The following CBLB variants were observed in gnomAD, a reference collection of about 807,000 sequenced individuals.
The protein encoded by CBLB is Cbl proto-oncogene B, also known as E3 ubiquitin-protein ligase CBL-B.
In CBLB, 31 loss-of-function variants were observed where a neutral mutation model predicts 104.9. That is an observed-to-expected ratio of 0.30 (90% CI 0.22 to 0.40). The LOEUF is 0.40. Among genes scored for constraint, CBLB ranks in the 10% least tolerant of loss-of-function variants. The pLI, the probability that CBLB is intolerant of heterozygous loss-of-function variation, is 1.00. For missense variants in CBLB, 1,062 were observed against 1,214.6 expected, an observed-to-expected ratio of 0.87 and a Z score of 1.87; for synonymous variants, 440 against 422.6, an observed-to-expected ratio of 1.04 and a Z score of -0.51.
intron 3 of CBLB, among the ~76,000 whole-genome samples, chr3:105,780,090 T>TAAC (rs2079998482): frequency 1.3e-5 from 2 of 152,018 alleles, no homozygotes; most frequent in East Asian, 3.9e-4. Flanking sequence ...TGACCTCAGG[T>TAAC]GATCTAACCA....
In CBLB at chr3:105,827,532, G is replaced by C. The variant is rs528159961; in HGVS notation, c.419+25882C>G. ...TGTTCAGAAGTAACGCCAGGAACCT[G>C]GTCTCTGTTAAGGTCCTTAAACTCC... On this transcript the variant is annotated intron_variant, in intron 3 of 18. Coordinates refer to ENST00000394030, the MANE Select transcript of CBLB (RefSeq NM_170662.5). Among the ~76,000 whole-genome samples the C allele has an allele frequency of 2.6e-5, 4 of 152,186 alleles. No individual in the cohort carries two copies. In the East Asian group the frequency reaches 5.8e-4, roughly 22 times the overall value.
intron 1 of CBLB, among the ~76,000 whole-genome samples, chr3:105,867,873 A>G (rs78776763): frequency 7.6e-6 from 1 of 131,956 alleles, no homozygotes; most frequent in African/African-American, 2.8e-5. Context: ...CTAATACTCA[A>G]CTCATAAAAA....
intron 3 of CBLB, among the ~76,000 whole-genome samples, chr3:105,799,470 A>G (rs1047149220): frequency 7.2e-5 from 11 of 152,144 alleles, no homozygotes; most frequent in African/African-American, 2.2e-4. Flanking sequence ...CTTTCATATA[A>G]AGTTATTCTA....
chr3:105,671,825 A>G (rs936138602), intron 17 of CBLB: 1 of 194,270 alleles, frequency 5.1e-6, no homozygotes, highest in African/African-American at 2.3e-5. Context: ...AGATTAAAAT[A>G]ACTCTTAGAT....
chr3:105,696,040 TTA>T (rs1278401057), intron 12 of CBLB, among the ~76,000 whole-genome samples: 1 of 151,450 alleles, frequency 6.6e-6, no homozygotes, highest in African/African-American at 2.4e-5. Flanking sequence ...TATATATATG[TTA>T]TATATATACA....
intron 3 of CBLB, among the ~76,000 whole-genome samples, chr3:105,824,470 A>G (rs1465843294): frequency 1.3e-5 from 2 of 152,106 alleles, no homozygotes; most frequent in African/African-American, 4.8e-5. Context: ...CAAGTACCAC[A>G]TATTTCTGTC....
intron 8 of CBLB, among the ~76,000 whole-genome samples, chr3:105,736,169 C>T (rs556436651): frequency 6.6e-6 from 1 of 152,194 alleles, no homozygotes; most frequent in Non-Finnish European, 1.5e-5. Flanking sequence ...GAACATATCT[C>T]AAATATAAAA....
At chr3:105,750,130 T>C (rs1174479014) in intron 5 of CBLB, among the ~76,000 whole-genome samples, 1 of 152,014 alleles carries the variant, frequency 6.6e-6, no homozygotes, top group Non-Finnish European at 1.5e-5. Flanking sequence ...ACCATTCTCC[T>C]GCCTCAGCCT....
At chr3:105,837,863 C>T (rs902706621) in intron 3 of CBLB, among the ~76,000 whole-genome samples, 3 of 152,132 alleles carry the variant, frequency 2.0e-5, no homozygotes, top group African/African-American at 7.2e-5. Context: ...AGCCTTCAGA[C>T]ACTTCAACAC....
chr3:105,802,843 A>G (rs2083052805), intron 3 of CBLB, among the ~76,000 whole-genome samples: 2 of 152,240 alleles, frequency 1.3e-5, no homozygotes, highest in South Asian at 4.1e-4. Flanking sequence ...GAAGTTAGCA[A>G]AGGGATTAAC....
At chr3:105,703,168 T>A (rs1486112511) in intron 11 of CBLB, among the ~76,000 whole-genome samples, 5 of 152,210 alleles carry the variant, frequency 3.3e-5, no homozygotes, top group Non-Finnish European at 5.9e-5. Context: ...ACATGGTTAA[T>A]CTGATGATTG....
At chr3:105,743,816 C>T (rs2075853280) in intron 6 of CBLB, among the ~76,000 whole-genome samples, 1 of 149,824 alleles carries the variant, frequency 6.7e-6, no homozygotes. Context: ...AGGGTGTTTT[C>T]CTAAACACAT....
At chr3:105,701,499 A>G (rs1187712213) in intron 12 of CBLB, among the ~76,000 whole-genome samples, 1 of 152,254 alleles carries the variant, frequency 6.6e-6, no homozygotes, top group Non-Finnish European at 1.5e-5. Context: ...ACAGTGGCTC[A>G]TGCCTGTAAT....
chr3:105,695,608 T>C (rs1051096288), intron 12 of CBLB, among the ~76,000 whole-genome samples: 2 of 151,870 alleles, frequency 1.3e-5, no homozygotes, highest in African/African-American at 4.8e-5. Context: ...AAACAATCCA[T>C]TAATCTGCTT....
intron 18 of CBLB, among the ~76,000 whole-genome samples, chr3:105,668,702 T>A (rs1449206811): frequency 3.3e-5 from 5 of 152,102 alleles, no homozygotes; most frequent in Non-Finnish European, 7.4e-5. Context: ...TTTGAAAAGA[T>A]TAAAAAGATT....
At chr3:105,780,648 G>GTTTTTTTTTTTT in intron 3 of CBLB, among the ~76,000 whole-genome samples, 1 of 105,054 alleles carries the variant, frequency 9.5e-6, no homozygotes, top group African/African-American at 3.5e-5. Flanking sequence ...TACAATAAAA[G>GTTTTTTTTTTTT]TTTTGTTTTT....
intron 6 of CBLB, among the ~76,000 whole-genome samples, chr3:105,742,893 C>G (rs538718598): frequency 7.6e-6 from 1 of 131,134 alleles, no homozygotes; most frequent in South Asian, 2.4e-4. Flanking sequence ...TCATGTCCTT[C>G]TCTGTTGCTC....
intron 9 of CBLB, among the ~76,000 whole-genome samples, chr3:105,723,237 A>G (rs1470482841): frequency 6.6e-6 from 1 of 152,196 alleles, no homozygotes; most frequent in Non-Finnish European, 1.5e-5. Flanking sequence ...TCAATACAAT[A>G]ATTAAAATAA....
intron 3 of CBLB, among the ~76,000 whole-genome samples, chr3:105,785,977 T>C (rs1202438719): frequency 7.0e-6 from 1 of 143,738 alleles, no homozygotes; most frequent in African/African-American, 2.5e-5. Flanking sequence ...CACAGACTGG[T>C]TGCCAGTGGG....
Sources: allele counts gnomAD v4.1 joint callset (sites outside exome capture counted in the v4.1 genomes callset), GRCh38; gene constraint gnomAD v4.1.1; transcripts MANE v1.5; gene names NCBI Gene and HGNC (gene_info 2026-07-23, HGNC 2026-07-21).